COG5: variants seen among roughly 807,000 people sequenced by gnomAD.
COG5 encodes component of oligomeric golgi complex 5, also known as conserved oligomeric Golgi complex subunit 5.
COG5 carries 86 observed loss-of-function variants against 110.4 expected under a neutral mutation model. The observed-to-expected ratio is 0.78, with a 90% CI of 0.65 to 0.93. The LOEUF (loss-of-function observed/expected upper bound fraction) is 0.93. Among genes scored for constraint, COG5 ranks in the 40% least tolerant of loss-of-function variants. The probability of loss-of-function intolerance (pLI) is 0.00; values close to 1 mark genes in which losing one functional copy is unlikely to be tolerated. For synonymous variants in COG5, 360 were observed against 334.6 expected (o/e 1.08, Z -0.83); for missense variants, 1,077 against 987.0 (o/e 1.09, Z -1.22).
intron 6 of COG5, among the ~76,000 whole-genome samples, chr7:107,427,105 C>G (rs1235625186): frequency 6.6e-6 from 1 of 152,180 alleles, no homozygotes; most frequent in Non-Finnish European, 1.5e-5. Flanking sequence ...ATCAATTCCT[C>G]TGGTCTTGTT....
intron 12 of COG5, among the ~76,000 whole-genome samples, chr7:107,293,355 G>A (rs143195470): frequency 1.6e-3 from 240 of 152,228 alleles, no homozygotes; most frequent in African/African-American, 5.5e-3. Flanking sequence ...TTCCCAGGAA[G>A]AGAGCCTTCC....
At chr7:107,352,229 T>C (rs1380656980) in intron 10 of COG5, among the ~76,000 whole-genome samples, 1 of 141,916 alleles carries the variant, frequency 7.0e-6, no homozygotes, top group African/African-American at 2.6e-5. Context: ...AAACACCGCA[T>C]GTTCTCACTC....
In COG5 at chr7:107,534,641, G is replaced by A. The variant is rs181800764; in HGVS notation, c.418-7284C>T. On this transcript the variant is annotated intron_variant, in intron 5 of 21. Coordinates refer to ENST00000297135, the MANE Select transcript of COG5 (RefSeq NM_006348.5). ...CTAACTATCCTAAATATATATGCAC[G>A]CAATACAGGACCACCCAGATTCATA... is the stretch of plus-strand genomic sequence containing the variant. Among the ~76,000 whole-genome samples, 6 of 151,284 alleles carry A rather than the reference G, an allele frequency of 4.0e-5. No individual in the cohort carries two copies. The East Asian group carries it at 1.2e-3, about 29-fold the overall frequency.
intron 7 of COG5, among the ~76,000 whole-genome samples, chr7:107,397,532 A>T (rs945397210): frequency 6.6e-6 from 1 of 152,164 alleles, no homozygotes; most frequent in Non-Finnish European, 1.5e-5. Context: ...GGCCCATAAC[A>T]ATAATTTTTA....
At chr7:107,524,796 A>G (rs964172275) in intron 6 of COG5, among the ~76,000 whole-genome samples, 6 of 152,214 alleles carry the variant, frequency 3.9e-5, no homozygotes, top group Non-Finnish European at 7.4e-5. Flanking sequence ...ATATCTTCTC[A>G]AAAACTTTTT....
chr7:107,319,002 ATG>A (rs1364619866), intron 11 of COG5, among the ~76,000 whole-genome samples: 1 of 152,040 alleles, frequency 6.6e-6, no homozygotes, highest in Non-Finnish European at 1.5e-5. Flanking sequence ...GATGTGTCCC[ATG>A]GGTCCTAAGA....
At chr7:107,451,093 T>C (rs1454429670) in intron 6 of COG5, among the ~76,000 whole-genome samples, 1 of 152,186 alleles carries the variant, frequency 6.6e-6, no homozygotes, top group Non-Finnish European at 1.5e-5. Flanking sequence ...ATTACACCAC[T>C]GAACATGCCA....
intron 6 of COG5, among the ~76,000 whole-genome samples, chr7:107,519,272 C>G (rs1397406201): frequency 6.6e-6 from 1 of 151,970 alleles, no homozygotes; most frequent in Non-Finnish European, 1.5e-5. Context: ...AACCCAAAAG[C>G]TAGCAGAAGA....
chr7:107,424,978 A>G (rs1793550614), intron 6 of COG5, among the ~76,000 whole-genome samples: 1 of 152,208 alleles, frequency 6.6e-6, no homozygotes, highest in African/African-American at 2.4e-5. Context: ...TAAACACAAA[A>G]TTAAGTAGGT....
chr7:107,561,364 G>A (rs949631201), intron 1 of COG5, among the ~76,000 whole-genome samples: 1 of 152,170 alleles, frequency 6.6e-6, no homozygotes, highest in African/African-American at 2.4e-5. Flanking sequence ...TGTTGGGGGT[G>A]GAGGGGCAAC....
At chr7:107,289,383 T>C (rs561599371) in intron 12 of COG5, among the ~76,000 whole-genome samples, 1 of 152,218 alleles carries the variant, frequency 6.6e-6, no homozygotes, top group African/African-American at 2.4e-5. Flanking sequence ...CAGGCAGTAC[T>C]ATACCATAGG....
At chr7:107,378,564 T>C (rs866807558) in intron 7 of COG5, among the ~76,000 whole-genome samples, 1 of 152,044 alleles carries the variant, frequency 6.6e-6, no homozygotes, top group South Asian at 2.1e-4. Context: ...ATAATCAATT[T>C]AGAGAAGAAC....
In COG5 at chr7:107,548,349, T is replaced by C. The variant is rs1411778793; in HGVS notation, c.293-17A>G. On this transcript the variant is annotated splice_polypyrimidine_tract_variant and intron_variant, in intron 3 of 21. Coordinates refer to ENST00000297135, the MANE Select transcript of COG5 (RefSeq NM_006348.5). The stretch of plus-strand genomic sequence containing the variant: ...GAAGAACACCTAGGAAAACATAAGT[T>C]TACATTGGCTTTACAAATTTACAGG... The C allele has an allele frequency of 6.2e-7, 1 of 1,612,542 alleles. No homozygotes were observed.
chr7:107,298,340 A>G lies in COG5; in HGVS notation c.1115T>C (p.Met372Thr), dbSNP rs1194000342. 6.2e-7 allele frequency: 1 copy of G among 1,612,470 alleles called. No homozygotes were observed. Among genetic ancestry groups the G allele is most frequent in the South Asian group, 1.1e-5 (1 of 91,002 alleles). The change falls in exon 12 of 22, where the codon ATG becomes ACG. Residue 372 changes from methionine (M) to threonine (T), a missense_variant. By Grantham distance (81) the Met-to-Thr change is moderately conservative. Transcript: ENST00000297135. ...SQFHMATNSS[M>T]FLKQAFEGEY... ...TCCTTCAAATGCCTGCTTCAAAAAC[A>G]TCGAAGCTGCCAAGCAAAACAAGAA...
chr7:107,533,016 G>C (rs975475762), intron 5 of COG5, among the ~76,000 whole-genome samples: 2 of 147,692 alleles, frequency 1.4e-5, no homozygotes, highest in African/African-American at 5.4e-5. Context: ...GCCTCCACTG[G>C]TGATACTCAA....
intron 16 of COG5, among the ~76,000 whole-genome samples, chr7:107,249,217 C>T (rs1220066773): frequency 2.0e-5 from 3 of 152,018 alleles, no homozygotes; most frequent in African/African-American, 7.2e-5. Context: ...CAGTTTTGTT[C>T]CCCAGGAAAC....
chr7:107,452,704 A>C (rs1482319558), intron 6 of COG5, among the ~76,000 whole-genome samples: 2 of 151,788 alleles, frequency 1.3e-5, no homozygotes, highest in Admixed American at 1.3e-4. Context: ...AGTCCATTAA[A>C]CCGTTTTTTC....
In COG5 at chr7:107,474,186, G is replaced by A. The variant is rs1183445262; in HGVS notation, c.538+53051C>T. 13 of 1,612,518 alleles carry A rather than the reference G, an allele frequency of 8.1e-6. No individual in the cohort carries two copies. The highest frequency in any genetic ancestry group is 9.3e-6 in the Non-Finnish European group (11 of 1,178,916). On this transcript the variant is annotated intron_variant, in intron 6 of 21. Coordinates refer to ENST00000297135, the MANE Select transcript of COG5 (RefSeq NM_006348.5). The surrounding 1 kb of genome is among the most constrained non-coding windows in gnomAD (Gnocchi z 5.7). Reference sequence around the variant, plus strand: ...TATCATATCCGTTAAGCTTTCAAGTGTCTCTCACCGGATTTCTTATGTTAG... The same window carrying A: ...TATCATATCCGTTAAGCTTTCAAGTATCTCTCACCGGATTTCTTATGTTAG...
chr7:107,261,275 C>T (rs1803323386), intron 14 of COG5, among the ~76,000 whole-genome samples: 1 of 152,014 alleles, frequency 6.6e-6, no homozygotes, highest in African/African-American at 2.4e-5. Context: ...TCTGGATTTA[C>T]TGATGTTACA....
Sources: allele counts gnomAD v4.1 joint callset (sites outside exome capture counted in the v4.1 genomes callset), GRCh38; gene constraint gnomAD v4.1.1; non-coding constraint Gnocchi (gnomAD v3.1); transcripts MANE v1.5; gene names NCBI Gene and HGNC (gene_info 2026-07-23, HGNC 2026-07-21).